S100Z: variants seen among roughly 807,000 people sequenced by gnomAD.
The protein encoded by S100Z is protein S100-Z.
A neutral mutation model predicts 8.5 loss-of-function variants in S100Z; 11 were observed. The observed-to-expected ratio is 1.30, with a 90% CI of 0.82 to 2.15. The LOEUF (loss-of-function observed/expected upper bound fraction) is 2.15, where lower values mean the gene tolerates loss of function less well. Among genes scored for constraint, S100Z ranks in the 30% most tolerant of loss-of-function variants. S100Z has a pLI of 0.00. For synonymous variants in S100Z, 34 were observed against 43.8 expected (o/e 0.78, Z 0.89); for missense variants, 126 against 117.9 (o/e 1.07, Z -0.32).
chr5:76,904,983 A>G (rs993549877), intron 4 of S100Z, among the ~76,000 whole-genome samples: 1 of 152,146 alleles, frequency 6.6e-6, no homozygotes, highest in African/African-American at 2.4e-5. Flanking sequence ...GTGGTTTTCA[A>G]ACGAAGGGCA....
At chr5:76,909,013 G>A (rs549644410) in intron 4 of S100Z, among the ~76,000 whole-genome samples, 10 of 152,224 alleles carry the variant, frequency 6.6e-5, no homozygotes, top group African/African-American at 2.2e-4. Context: ...TGTGGTCTAG[G>A]AGGAAAACTA....
intron 4 of S100Z, among the ~76,000 whole-genome samples, chr5:76,891,572 T>G (rs1480122758): frequency 6.6e-6 from 1 of 152,164 alleles, no homozygotes; most frequent in African/African-American, 2.4e-5. Context: ...GATTCTGCAT[T>G]CCTAACAAAC....
chr5:76,864,444 C>T, intron 1 of S100Z, among the ~76,000 whole-genome samples: 1 of 125,710 alleles, frequency 8.0e-6, no homozygotes, highest in East Asian at 2.5e-4. Context: ...CTCGGTCACC[C>T]AGGCTGGAGT....
At position 76,870,182 on chromosome 5, in the gene S100Z, C is replaced by A. The variant is rs1742956313; in HGVS notation, c.-159C>A. On this transcript the variant is annotated 5_prime_UTR_variant, in exon 2 of 5. Coordinates refer to ENST00000317593, the MANE Select transcript of S100Z (RefSeq NM_130772.4). ...GCTTGCCAGTGTAATTTCACAAGCC[C>A]CTGACTCTGTGTAGACACCCAGCTC... 6.6e-6 allele frequency: 1 copy of A among 152,092 alleles called. No homozygotes were observed. Among genetic ancestry groups the A allele is most frequent in the African/African-American group, 2.4e-5 (1 of 41,408 alleles). 9.4% of individuals were successfully genotyped at this position (152,092 alleles called of 1,614,324 possible).
chr5:76,867,584 C>CTTTTTTTTTTT (rs57865301), intron 1 of S100Z, among the ~76,000 whole-genome samples: 1 of 144,370 alleles, frequency 6.9e-6, no homozygotes. Context: ...ATCATCCTTA[C>CTTTTTTTTTTT]TTTTTTTTTT....
In S100Z at chr5:76,910,082, C is replaced by T. The variant is rs1329197873; in HGVS notation, c.*3-10635C>T. Among the ~76,000 whole-genome samples, 3 of 152,252 alleles carry T rather than the reference C, an allele frequency of 2.0e-5. No homozygotes were observed. In the East Asian group the frequency reaches 5.8e-4, roughly 29 times the overall value. On this transcript the variant is annotated intron_variant, in intron 4 of 4. Transcript: ENST00000317593. ...ACTGGAGTCATAAACATCTGTTGACCTGTGTTCTAGAAGGACTAAGGAGAA... is the reference window on the plus strand; with the variant it reads ...ACTGGAGTCATAAACATCTGTTGACTTGTGTTCTAGAAGGACTAAGGAGAA...
At chr5:76,874,917 C>T (rs1743125469) in intron 2 of S100Z, among the ~76,000 whole-genome samples, 1 of 152,002 alleles carries the variant, frequency 6.6e-6, no homozygotes. Flanking sequence ...CGGCGTCTCG[C>T]TCTGTCGCCC....
the S100Z span, among the ~76,000 whole-genome samples, chr5:76,951,609 T>C: frequency 2.0e-5 from 3 of 152,224 alleles, no homozygotes; most frequent in African/African-American, 7.2e-5. Flanking sequence ...GAAGATGGCC[T>C]GGCATGTTTG....
intron 4 of S100Z, among the ~76,000 whole-genome samples, chr5:76,907,347 A>G (rs1391916249): frequency 4.6e-5 from 7 of 152,132 alleles, no homozygotes; most frequent in African/African-American, 1.7e-4. Context: ...TCTGTCACCC[A>G]GGCTGGAGTG....
intron 4 of S100Z, among the ~76,000 whole-genome samples, chr5:76,891,722 G>A (rs1267950438): frequency 6.6e-6 from 1 of 151,874 alleles, no homozygotes; most frequent in Non-Finnish European, 1.5e-5. Flanking sequence ...TACTTTCTTT[G>A]GAAAAAATCA....
downstream of S100Z, among the ~76,000 whole-genome samples, chr5:76,924,570 C>G (rs1416538789): frequency 6.6e-6 from 1 of 152,100 alleles, no homozygotes; most frequent in Non-Finnish European, 1.5e-5. Flanking sequence ...TATTAGTTCC[C>G]TGCTTCTGTA....
At chr5:76,928,903 C>G in the S100Z span, among the ~76,000 whole-genome samples, 1 of 152,248 alleles carries the variant, frequency 6.6e-6, no homozygotes, top group Non-Finnish European at 1.5e-5. Flanking sequence ...CCATGCCCAG[C>G]TAATTTTTAA....
intron 1 of S100Z, among the ~76,000 whole-genome samples, chr5:76,864,010 C>G (rs1479571966): frequency 2.6e-5 from 4 of 152,180 alleles, no homozygotes; most frequent in Non-Finnish European, 4.4e-5. Flanking sequence ...ATTTTAAATA[C>G]TGTATTATTA....
At chr5:76,899,002 C>T (rs188964626) in intron 4 of S100Z, among the ~76,000 whole-genome samples, 47 of 146,366 alleles carry the variant, frequency 3.2e-4, no homozygotes, top group Non-Finnish European at 2.8e-4. Context: ...ATGACACGAC[C>T]TTGGCTCAGT....
chr5:76,900,267 A>G (rs942978616), intron 4 of S100Z, among the ~76,000 whole-genome samples: 9 of 152,214 alleles, frequency 5.9e-5, no homozygotes, highest in African/African-American at 2.2e-4. Flanking sequence ...TTGAATATTG[A>G]TATCTTTCTC....
chr5:76,922,085 C>G (rs547887065), downstream of S100Z, among the ~76,000 whole-genome samples: 1 of 152,154 alleles, frequency 6.6e-6, no homozygotes, highest in Admixed American at 6.5e-5. Flanking sequence ...AAAGTGATAC[C>G]CCAAAGACTG....
At chr5:76,909,509 C>A (rs1744574755) in intron 4 of S100Z, among the ~76,000 whole-genome samples, 1 of 152,284 alleles carries the variant, frequency 6.6e-6, no homozygotes, top group African/African-American at 2.4e-5. Flanking sequence ...TACAACTATG[C>A]AAAGCTTGCA....
chr5:76,850,212 A>T (rs1750682208), intron 1 of S100Z, 57 bp downstream of exon 1: 1 of 151,672 alleles, frequency 6.6e-6, no homozygotes, highest in Non-Finnish European at 1.5e-5. Flanking sequence ...TTGAAGTGTG[A>T]GCCTGGCAGG....
At chr5:76,942,206 G>T in the S100Z span, among the ~76,000 whole-genome samples, 1 of 151,908 alleles carries the variant, frequency 6.6e-6, no homozygotes, top group South Asian at 2.1e-4. Context: ...CCGCTTCCTG[G>T]GTTCAAGCAA....
Sources: allele counts gnomAD v4.1 joint callset (sites outside exome capture counted in the v4.1 genomes callset), GRCh38; gene constraint gnomAD v4.1.1; transcripts MANE v1.5; gene names NCBI Gene and HGNC (gene_info 2026-07-23, HGNC 2026-07-21).